STUM: variants seen among roughly 807,000 people sequenced by gnomAD.
The protein encoded by STUM is protein stum homolog.
In STUM, 8 loss-of-function variants were observed where a neutral mutation model predicts 15.3. That is an observed-to-expected ratio of 0.52 (90% CI 0.31 to 0.94). The LOEUF is 0.94. Among genes scored for constraint, STUM ranks in the 40% least tolerant of loss-of-function variants. The pLI is 0.05. For missense variants in STUM, 142 were observed against 204.9 expected (o/e 0.69, Z 1.87); for synonymous variants, 78 against 88.7 (o/e 0.88, Z 0.68).
chr1:226,571,571 G>A (rs892823491), intron 1 of STUM, among the ~76,000 whole-genome samples: 11 of 152,026 alleles, frequency 7.2e-5, no homozygotes, highest in African/African-American at 2.7e-4. Flanking sequence ...TGCAGTTATA[G>A]TTCATGGATG....
intron 1 of STUM, among the ~76,000 whole-genome samples, chr1:226,568,099 CAG>C (rs1667651871): frequency 6.6e-6 from 1 of 152,182 alleles, no homozygotes; most frequent in South Asian, 2.1e-4. Context: ...CAGAAAAACT[CAG>C]AGCACCAGCT....
At chr1:226,570,882 A>G (rs1385383743) in intron 1 of STUM, among the ~76,000 whole-genome samples, 1 of 152,206 alleles carries the variant, frequency 6.6e-6, no homozygotes, top group Admixed American at 6.5e-5. Flanking sequence ...CATTTAATAC[A>G]TAGACTTTAA....
In STUM at chr1:226,548,837, C is replaced by CT; in HGVS notation, c.-67dup. 8.1e-7 allele frequency: 1 copy of CT among 1,228,124 alleles called. No homozygotes were observed. The allele number at this position is 1,228,124 out of a possible 1,614,324, so 76.1% of individuals were successfully genotyped here. A position where few individuals can be genotyped will look rare whatever the true frequency, so the allele number is the denominator to read the frequency against. On this transcript the variant is annotated 5_prime_UTR_variant, in exon 1 of 4. Coordinates refer to ENST00000366788, the MANE Select transcript of STUM (RefSeq NM_001003665.4). Reference sequence around the variant, plus strand: ...GAGCCCGGAGCCCGCAGCCGACAGTCTCCTGCTCCCGTACGCTGGGCGCCA... The same window carrying CT: ...GAGCCCGGAGCCCGCAGCCGACAGTCTTCCTGCTCCCGTACGCTGGGCGCCA...
chr1:226,599,619 T>G (rs1018822263), intron 2 of STUM, among the ~76,000 whole-genome samples: 17 of 152,222 alleles, frequency 1.1e-4, no homozygotes, highest in Non-Finnish European at 7.3e-5. Flanking sequence ...CACACTATCA[T>G]GAAAAACTCC....
chr1:226,595,222 A>ACTTTATCTTCTCCT (rs1668159666), intron 1 of STUM, among the ~76,000 whole-genome samples: 1 of 152,224 alleles, frequency 6.6e-6, no homozygotes, highest in African/African-American at 2.4e-5. Context: ...TAAAGGCAGG[A>ACTTTATCTTCTCCT]GAAGATAAAG....
intron 1 of STUM, among the ~76,000 whole-genome samples, chr1:226,579,634 C>CT (rs1667886967): frequency 1.4e-5 from 2 of 143,122 alleles, no homozygotes; most frequent in Non-Finnish European, 3.0e-5. Flanking sequence ...ATTTCTTTTT[C>CT]TTTTTCTTTT....
chr1:226,583,005 G>A (rs944828056), intron 1 of STUM, among the ~76,000 whole-genome samples: 3 of 152,242 alleles, frequency 2.0e-5, no homozygotes, highest in African/African-American at 7.2e-5. Flanking sequence ...GTTATTCTTA[G>A]CTGGGATGGC....
intron 1 of STUM, among the ~76,000 whole-genome samples, chr1:226,580,256 T>C (rs1007268317): frequency 1.2e-4 from 18 of 152,280 alleles, no homozygotes; most frequent in African/African-American, 3.4e-4. Flanking sequence ...CCAGGCTTAG[T>C]GCAGGGACAG....
intron 1 of STUM, among the ~76,000 whole-genome samples, chr1:226,562,595 A>C (rs1046161342): frequency 6.6e-6 from 1 of 152,160 alleles, no homozygotes; most frequent in Non-Finnish European, 1.5e-5. Context: ...ACACAATAGC[A>C]CTTTTGTAGT....
intron 1 of STUM, among the ~76,000 whole-genome samples, chr1:226,576,073 G>C (rs1469518557): frequency 6.6e-6 from 1 of 152,256 alleles, no homozygotes; most frequent in Non-Finnish European, 1.5e-5. Flanking sequence ...ACGCGGCTCT[G>C]TCTGACCCTG....
intron 1 of STUM, among the ~76,000 whole-genome samples, chr1:226,591,104 CAATT>C (rs756243020): frequency 3.9e-5 from 6 of 152,220 alleles, no homozygotes; most frequent in Non-Finnish European, 8.8e-5. Flanking sequence ...TCATTTAAAA[CAATT>C]AACACCTCTT....
At position 226,603,528 on chromosome 1, in the gene STUM, T is replaced by C. The variant is rs1051042572; in HGVS notation, c.*1488T>C. ...CCACTTGACACAGTGCCATTGGGCA[T>C]GTCCCTCTCTGAAGGGCTTGTTTGT... On this transcript the variant is annotated 3_prime_UTR_variant, in exon 4 of 4. Coordinates refer to ENST00000366788, the MANE Select transcript of STUM (RefSeq NM_001003665.4). 1 of 152,244 alleles carries C rather than the reference T, an allele frequency of 6.6e-6. No homozygotes were observed. The highest frequency in any genetic ancestry group is 1.5e-5 in the Non-Finnish European group (1 of 68,046). 9.4% of individuals were successfully genotyped at this position (152,244 alleles called of 1,614,324 possible).
At chr1:226,595,094 G>T (rs1668158402) in intron 1 of STUM, among the ~76,000 whole-genome samples, 1 of 152,228 alleles carries the variant, frequency 6.6e-6, no homozygotes, top group Non-Finnish European at 1.5e-5. Context: ...GTCCAAGTCT[G>T]AAATCTCAGA....
intron 1 of STUM, among the ~76,000 whole-genome samples, chr1:226,581,320 G>A (rs1203996917): frequency 1.3e-5 from 2 of 152,250 alleles, no homozygotes; most frequent in African/African-American, 4.8e-5. Flanking sequence ...AATATTGAAT[G>A]GACGGACAGA....
At chr1:226,575,803 C>T (rs1667798846) in intron 1 of STUM, among the ~76,000 whole-genome samples, 1 of 152,220 alleles carries the variant, frequency 6.6e-6, no homozygotes. Flanking sequence ...AACTGCACGC[C>T]AATAGATAGT....
chr1:226,560,367 C>T (rs1667520760), intron 1 of STUM, among the ~76,000 whole-genome samples: 1 of 152,182 alleles, frequency 6.6e-6, no homozygotes. Context: ...TCTCCAAGTT[C>T]TGCCAGTGCA....
rs708741 is a variant in STUM, at chr1:226,549,501, A to G, written c.202+395A>G. Among the ~76,000 whole-genome samples, 136,734 of 152,194 alleles carry G rather than the reference A, an allele frequency of 0.9. 61,469 individuals carry two copies. The highest frequency in any genetic ancestry group is 0.94 in the African/African-American group (38,913 of 41,552). On this transcript the variant is annotated intron_variant, in intron 1 of 3. Coordinates refer to ENST00000366788, the MANE Select transcript of STUM (RefSeq NM_001003665.4). This position sits in a 1 kb window ranked among gnomAD's most constrained non-coding sequence, Gnocchi z 6.8. ...ACTTCCCCGAGAGGAATGGGGTCGG[A>G]TCAGAATGAGCTCTAGGGCCTCGGC...
chr1:226,608,518 T>C lies in STUM; in HGVS notation c.*6478T>C, dbSNP rs1018668385. The C allele has an allele frequency of 1.5e-4, 23 of 152,162 alleles. No homozygotes were observed. The highest frequency in any genetic ancestry group is 5.3e-4 in the African/African-American group (22 of 41,414). The allele number at this position is 152,162 out of a possible 1,614,324, so 9.4% of individuals were successfully genotyped here. Reference sequence around the variant, plus strand: ...ACTTAATTTGCATATGAATGAGTGTTGTGTTGTGATTTGCAGTGTTTTGAC... The same window carrying C: ...ACTTAATTTGCATATGAATGAGTGTCGTGTTGTGATTTGCAGTGTTTTGAC... On this transcript the variant is annotated 3_prime_UTR_variant, in exon 4 of 4. Coordinates refer to ENST00000366788, the MANE Select transcript of STUM (RefSeq NM_001003665.4). The surrounding 1 kb of genome is among the most constrained non-coding windows in gnomAD (Gnocchi z 4.0).
chr1:226,597,799 G>A (rs1668206778), intron 2 of STUM, among the ~76,000 whole-genome samples: 2 of 152,342 alleles, frequency 1.3e-5, no homozygotes, highest in Admixed American at 6.5e-5. Flanking sequence ...TGGGCTGCCC[G>A]GAAGTGGCTC....
Sources: gnomAD v4.1 joint callset for allele counts (sites outside exome capture counted in the v4.1 genomes callset) on GRCh38, gnomAD v4.1.1 for gene constraint, Gnocchi (gnomAD v3.1) non-coding constraint, MANE v1.5 for transcripts, NCBI Gene and HGNC (gene_info 2026-07-23, HGNC 2026-07-21) for gene names.